Variants in ATF7IP observed in about 807,000 individuals in gnomAD.
The protein encoded by ATF7IP is activating transcription factor 7 interacting protein.
ATF7IP carries 23 observed loss-of-function variants against 106.4 expected under a neutral mutation model. That is an observed-to-expected ratio of 0.22 (90% confidence interval 0.16 to 0.31). ATF7IP has a LOEUF of 0.31. Ranked by LOEUF, ATF7IP falls within the 10% of genes least tolerant of loss-of-function variation. The probability of loss-of-function intolerance (pLI) is 1.00; values close to 1 mark genes in which losing one functional copy is unlikely to be tolerated. For synonymous variants in ATF7IP, 542 were observed against 539.0 expected, an observed-to-expected ratio of 1.01 and a Z score of -0.08; for missense variants, 1,334 against 1,524.3, an observed-to-expected ratio of 0.88 and a Z score of 2.08.
chr12:14,449,465 C>T (rs1339786262), intron 6 of ATF7IP, among the ~76,000 whole-genome samples: 1 of 151,998 alleles, frequency 6.6e-6, no homozygotes, highest in Non-Finnish European at 1.5e-5. Flanking sequence ...GAGTTTATTT[C>T]TAAGCTCTCT....
At chr12:14,386,609 A>G (rs1375430928) in intron 1 of ATF7IP, among the ~76,000 whole-genome samples, 1 of 152,170 alleles carries the variant, frequency 6.6e-6, no homozygotes. Context: ...TGCAAGGCTT[A>G]AGAAACAAAA....
At chr12:14,477,670 A>G (rs1944305053) in intron 11 of ATF7IP, among the ~76,000 whole-genome samples, 1 of 152,218 alleles carries the variant, frequency 6.6e-6, no homozygotes, top group Non-Finnish European at 1.5e-5. Flanking sequence ...TCCATTGTTA[A>G]AGCCTTGGGT....
At chr12:14,493,584 C>G (rs762789496) in intron 13 of ATF7IP, among the ~76,000 whole-genome samples, 10 of 152,118 alleles carry the variant, frequency 6.6e-5, no homozygotes, top group Non-Finnish European at 1.5e-4. Context: ...GGAAGCTGTT[C>G]TTTCTGGCAA....
intron 6 of ATF7IP, among the ~76,000 whole-genome samples, chr12:14,448,645 G>A (rs753844325): frequency 1.3e-5 from 2 of 152,078 alleles, no homozygotes; most frequent in Admixed American, 6.5e-5. Context: ...TTGAGATCCT[G>A]TTTTTAATTC....
chr12:14,424,487 C>T lies in ATF7IP; in HGVS notation c.572C>T (p.Ser191Phe), dbSNP rs757253720. The change falls in exon 2 of 15, where the codon TCT (serine) becomes TTT (phenylalanine). Residue 191 changes from serine (S) to phenylalanine (F), a missense_variant. By Grantham distance (155) the Ser-to-Phe change is radical. This residue lies in a region of ATF7IP where 438 missense variants were observed against 405.3 expected (regional missense o/e 1.08). Coordinates refer to ENST00000261168, the MANE Select transcript of ATF7IP (RefSeq NM_018179.5). ...SGDVSPGDAT[S>F]GDATADDLSS... The stretch of plus-strand genomic sequence containing the variant: ...GATGTGTCCCCTGGTGATGCCACCT[C>T]TGGTGATGCCACTGCTGATGATCTC... The T allele has an allele frequency of 5.6e-6, 9 of 1,614,166 alleles. No individual in the cohort carries two copies. In the South Asian group the frequency reaches 7.7e-5, roughly 14 times the overall value.
At chr12:14,431,156 T>A (rs1357694886) in intron 2 of ATF7IP, among the ~76,000 whole-genome samples, 1 of 152,224 alleles carries the variant, frequency 6.6e-6, no homozygotes, top group Non-Finnish European at 1.5e-5. Flanking sequence ...ATAGTAGTCA[T>A]CTGATAGTAT....
At chr12:14,391,846 T>G (rs1332637271) in intron 1 of ATF7IP, among the ~76,000 whole-genome samples, 1 of 152,116 alleles carries the variant, frequency 6.6e-6, no homozygotes, top group Admixed American at 6.5e-5. Flanking sequence ...CTCAGCCTCC[T>G]GAGTAGCTGG....
chr12:14,493,998 T>C (rs1358977147), intron 13 of ATF7IP, among the ~76,000 whole-genome samples: 1 of 152,022 alleles, frequency 6.6e-6, no homozygotes, highest in African/African-American at 2.4e-5. Context: ...CAAGGTATTA[T>C]GTATAGAGTC....
At chr12:14,450,625 A>G (rs553376992) in intron 6 of ATF7IP, among the ~76,000 whole-genome samples, 9 of 152,136 alleles carry the variant, frequency 5.9e-5, no homozygotes, top group South Asian at 2.1e-4. Flanking sequence ...TAGTTTTAGT[A>G]TCTTTGTTTG....
At chr12:14,489,972 A>G (rs1373227801) in intron 13 of ATF7IP, among the ~76,000 whole-genome samples, 1 of 152,188 alleles carries the variant, frequency 6.6e-6, no homozygotes, top group Admixed American at 6.5e-5. Context: ...GAGGTCCAAT[A>G]TAATTAACCT....
At position 14,502,485 on chromosome 12, in the gene ATF7IP, C is replaced by T. The variant is rs903652111; in HGVS notation, c.*4412C>T. On this transcript the variant is annotated 3_prime_UTR_variant, in exon 15 of 15. Transcript: ENST00000261168. The stretch of plus-strand genomic sequence containing the variant: ...TTTTATTTGTAGAGTCAGCTAAGTA[C>T]CCATATTTAAATGCCGTCTTTATTA... The T allele has an allele frequency of 1.3e-5, 2 of 152,014 alleles. No homozygotes were observed. Among genetic ancestry groups the T allele is most frequent in the African/African-American group, 2.4e-5 (1 of 41,404 alleles). The allele number at this position is 152,014 out of a possible 1,614,324, so 9.4% of individuals were successfully genotyped here. A position where few individuals can be genotyped will look rare whatever the true frequency, so the allele number is the denominator to read the frequency against.
chr12:14,477,356 A>T (rs1265406399), intron 11 of ATF7IP, among the ~76,000 whole-genome samples: 1 of 152,190 alleles, frequency 6.6e-6, no homozygotes, highest in Non-Finnish European at 1.5e-5. Flanking sequence ...CAGTATGATT[A>T]TTCTTTAAAA....
Position 14,481,255 on chromosome 12 carries a change from T to A in ATF7IP, c.3280+70T>A, listed in dbSNP as rs768171317. ...TCTTCAGCATTTAGTTGGAATGGCA[T>A]ATAATAATGTTAAATTTTGCAAAAA... On this transcript the variant is annotated intron_variant, in intron 13 of 14. Coordinates refer to ENST00000261168, the MANE Select transcript of ATF7IP (RefSeq NM_018179.5). The A allele has an allele frequency of 1.3e-5, 20 of 1,540,346 alleles. No homozygotes were observed. The Admixed American group carries it at 2.8e-4, about 22-fold the overall frequency.
Position 14,424,598 on chromosome 12 carries a change from A to G in ATF7IP, c.683A>G (p.Asp228Gly), listed in dbSNP as rs1443534432. ...ATTTCTGGTGATTGTGCCGCTGATG[A>G]TATAGCCTCTAGTGAAATAACTTCT... ...EPISGDCAAD[D>G]IASSEITSVD... Residue 228 changes from aspartate to glycine, a missense_variant, in exon 2 of 15, where the codon GAT becomes GGT. Transcript: ENST00000261168. 3 of 1,613,868 alleles carry G rather than the reference A, an allele frequency of 1.9e-6. No homozygotes were observed. Among genetic ancestry groups the G allele is most frequent in the South Asian group, 2.2e-5 (2 of 91,062 alleles).
At chr12:14,453,521 G>T (rs1197748686) in intron 6 of ATF7IP, among the ~76,000 whole-genome samples, 2 of 151,940 alleles carry the variant, frequency 1.3e-5, no homozygotes, top group African/African-American at 2.4e-5. Context: ...TTTGTATTAT[G>T]ATACGTTTTT....
At chr12:14,423,772 A>G in intron 1 of ATF7IP, 137 bp from the exon 2 acceptor site, 1 of 918,062 alleles carries the variant, frequency 1.1e-6, no homozygotes, top group Non-Finnish European at 1.6e-6. Flanking sequence ...AGTATACAAC[A>G]AGCAGTAGGT....
At chr12:14,401,388 G>A (rs1358757192) in intron 1 of ATF7IP, among the ~76,000 whole-genome samples, 1 of 152,118 alleles carries the variant, frequency 6.6e-6, no homozygotes, top group Non-Finnish European at 1.5e-5. Flanking sequence ...ATAGAGATGG[G>A]ATTTCACCAT....
intron 1 of ATF7IP, among the ~76,000 whole-genome samples, chr12:14,371,446 T>G (rs1296863333): frequency 6.6e-6 from 1 of 152,126 alleles, no homozygotes; most frequent in Non-Finnish European, 1.5e-5. Flanking sequence ...ATTTTACTTT[T>G]TTGTGAAAGT....
intron 10 of ATF7IP, among the ~76,000 whole-genome samples, chr12:14,467,949 A>G (rs1223792601): frequency 6.6e-6 from 1 of 152,188 alleles, no homozygotes; most frequent in African/African-American, 2.4e-5. Context: ...ATTAAACTCT[A>G]TTGTATAGAA....
Sources: allele counts gnomAD v4.1 joint callset (sites outside exome capture counted in the v4.1 genomes callset), GRCh38; gene constraint gnomAD v4.1.1; regional missense constraint gnomAD v4.1.1; transcripts MANE v1.5; gene names NCBI Gene and HGNC (gene_info 2026-07-23, HGNC 2026-07-21).